The following PTPRN2 variants were observed in gnomAD, a reference collection of about 807,000 sequenced individuals.
PTPRN2 encodes the protein receptor-type tyrosine-protein phosphatase N2.
In PTPRN2, 74 loss-of-function variants were observed where a neutral mutation model predicts 118.8. The ratio of observed to expected loss-of-function variants is 0.62; its 90% confidence interval spans 0.52 to 0.76. The LOEUF (loss-of-function observed/expected upper bound fraction) is 0.76. Ranked by LOEUF, PTPRN2 falls within the 30% of genes least tolerant of loss-of-function variation. The pLI, the probability that PTPRN2 is intolerant of heterozygous loss-of-function variation, is 0.00. For missense variants in PTPRN2, 1,481 were observed against 1,394.4 expected, an observed-to-expected ratio of 1.06 and a Z score of -0.99; for synonymous variants, 641 against 608.0, an observed-to-expected ratio of 1.05 and a Z score of -0.80.
At chr7:158,185,481 T>C (rs1585773766) in intron 5 of PTPRN2, among the ~76,000 whole-genome samples, 1 of 152,250 alleles carries the variant, frequency 6.6e-6, no homozygotes, top group African/African-American at 2.4e-5. Context: ...GATCGACCTG[T>C]ATGTTCCTCT....
In PTPRN2 at chr7:158,561,879, G is replaced by GAAC. The variant is rs528189120; in HGVS notation, c.112+25676_112+25678dup. On this transcript the variant is annotated intron_variant, in intron 1 of 22. Coordinates refer to ENST00000389418, the MANE Select transcript of PTPRN2 (RefSeq NM_002847.5). Reference sequence around the variant, plus strand: ...CCCATCCCCACTGCCCGTGGCCCTGGAACACCACAATTTGGGTGAAGCATT... The same window carrying GAAC: ...CCCATCCCCACTGCCCGTGGCCCTGGAACAACACCACAATTTGGGTGAAGCATT... Among the ~76,000 whole-genome samples, 1,198 of 151,952 alleles carry GAAC rather than the reference G, an allele frequency of 7.9e-3. 20 individuals carry two copies. Among genetic ancestry groups the GAAC allele is most frequent in the African/African-American group, 0.027 (1,102 of 41,258 alleles).
At chr7:157,736,219 C>T (rs1449159704) in intron 12 of PTPRN2, among the ~76,000 whole-genome samples, 1 of 152,198 alleles carries the variant, frequency 6.6e-6, no homozygotes, top group African/African-American at 2.4e-5. Flanking sequence ...GCCAGAAGGC[C>T]TCTGTGTTCC....
In PTPRN2 at chr7:157,840,402, G is replaced by A. The variant is rs113901422; in HGVS notation, c.1788+58271C>T. Among the ~76,000 whole-genome samples, 86 of 123,420 alleles carry A rather than the reference G, an allele frequency of 7.0e-4. 1 individual carries two copies. Among genetic ancestry groups the A allele is most frequent in the African/African-American group, 2.8e-3 (83 of 30,084 alleles). 81.0% of individuals were successfully genotyped at this position (123,420 alleles called of 152,430 possible). A position where few individuals can be genotyped will look rare whatever the true frequency, so the allele number is the denominator to read the frequency against. On this transcript the variant is annotated intron_variant, in intron 12 of 22. Transcript: ENST00000389418. ...TGTGACCGCGTGTGACTGTGTGACC[G>A]TGTGTGACTGTGTGACTGTGTGTGA... is the stretch of plus-strand genomic sequence containing the variant.
intron 12 of PTPRN2, among the ~76,000 whole-genome samples, chr7:157,752,782 C>T (rs2038407115): frequency 6.6e-6 from 1 of 152,244 alleles, no homozygotes; most frequent in African/African-American, 2.4e-5. Context: ...AAACCACTGA[C>T]TCTGGAAATC....
chr7:158,410,055 C>T (rs1813911970), intron 2 of PTPRN2, among the ~76,000 whole-genome samples: 1 of 152,202 alleles, frequency 6.6e-6, no homozygotes, highest in Non-Finnish European at 1.5e-5. Context: ...CTGATCACTC[C>T]TTCGGTTTCC....
intron 9 of PTPRN2, among the ~76,000 whole-genome samples, chr7:158,112,687 T>C: frequency 6.6e-6 from 1 of 152,106 alleles, no homozygotes; most frequent in Admixed American, 6.5e-5. Context: ...GGCTAGGTGC[T>C]GAGGGGCGAC....
chr7:157,623,180 A>G (rs1046837622), intron 14 of PTPRN2, among the ~76,000 whole-genome samples: 6 of 152,246 alleles, frequency 3.9e-5, no homozygotes, highest in Non-Finnish European at 8.8e-5. Context: ...TTACCCTAAT[A>G]GGAAAAACAT....
intron 13 of PTPRN2, among the ~76,000 whole-genome samples, chr7:157,665,323 T>C (rs2366645): frequency 0.38 from 58,485 of 152,218 alleles, 12,307 homozygotes; most frequent in Non-Finnish European, 0.49. Context: ...TTTGTAAGGA[T>C]GAGTAAGACC....
intron 1 of PTPRN2, among the ~76,000 whole-genome samples, chr7:158,505,445 A>G (rs1296450890): frequency 1.3e-5 from 2 of 152,122 alleles, no homozygotes; most frequent in African/African-American, 4.8e-5. Context: ...GTGACATCTA[A>G]TCATGCACAA....
chr7:157,838,203 G>A (rs977957295), intron 12 of PTPRN2, among the ~76,000 whole-genome samples: 2 of 150,186 alleles, frequency 1.3e-5, no homozygotes, highest in African/African-American at 5.0e-5. Flanking sequence ...ACGGGAGAAA[G>A]CTCCTCTCCA....
intron 21 of PTPRN2, among the ~76,000 whole-genome samples, chr7:157,559,384 G>T (rs6943908): frequency 0.037 from 5,584 of 152,264 alleles, 229 homozygotes; most frequent in East Asian, 0.14. Context: ...CCCTCCACAT[G>T]GGCCCCTGGA....
chr7:157,981,568 C>G (rs1352278530), intron 11 of PTPRN2, among the ~76,000 whole-genome samples: 1 of 150,194 alleles, frequency 6.7e-6, no homozygotes, highest in East Asian at 1.9e-4. Context: ...GTTAATTTAA[C>G]AGGGAGTGAT....
intron 14 of PTPRN2, among the ~76,000 whole-genome samples, chr7:157,638,162 G>C (rs561983707): frequency 6.6e-6 from 1 of 152,372 alleles, no homozygotes; most frequent in African/African-American, 2.4e-5. Context: ...TTGCTTGTCT[G>C]AGACAAAGTT....
At chr7:158,562,574 ACC>A in intron 1 of PTPRN2, among the ~76,000 whole-genome samples, 1 of 152,246 alleles carries the variant, frequency 6.6e-6, no homozygotes, top group South Asian at 2.1e-4. Flanking sequence ...GCATTAAGAC[ACC>A]CATTCCACCT....
intron 12 of PTPRN2, among the ~76,000 whole-genome samples, chr7:157,697,631 CGTCT>C (rs1797861695): frequency 8.8e-6 from 1 of 113,482 alleles, no homozygotes; most frequent in Admixed American, 8.9e-5. Context: ...GAGCCCTCAC[CGTCT>C]ACCCATGCAT....
chr7:158,141,716 C>A (rs1819405092), intron 6 of PTPRN2, among the ~76,000 whole-genome samples: 1 of 152,170 alleles, frequency 6.6e-6, no homozygotes, highest in Non-Finnish European at 1.5e-5. Context: ...CAGCCATGAC[C>A]CTCTGATTTT....
chr7:158,453,570 C>T (rs1472628690), intron 2 of PTPRN2, among the ~76,000 whole-genome samples: 1 of 151,670 alleles, frequency 6.6e-6, no homozygotes, highest in African/African-American at 2.4e-5. Context: ...GTGGCAGCTG[C>T]CGCAGGACCT....
chr7:158,113,746 C>T (rs1336690795), intron 9 of PTPRN2, among the ~76,000 whole-genome samples: 1 of 151,892 alleles, frequency 6.6e-6, no homozygotes, highest in Non-Finnish European at 1.5e-5. Context: ...CTCGCACCTG[C>T]AACAAGAAAG....
chr7:158,317,722 C>T (rs1024727857), intron 2 of PTPRN2, among the ~76,000 whole-genome samples: 24 of 152,228 alleles, frequency 1.6e-4, no homozygotes, highest in South Asian at 4.2e-4. Context: ...TCGGGCGGGG[C>T]GGAAGGGGAA....
Sources: gnomAD v4.1 joint callset for allele counts (sites outside exome capture counted in the v4.1 genomes callset) on GRCh38, gnomAD v4.1.1 for gene constraint, MANE v1.5 for transcripts, NCBI Gene and HGNC (gene_info 2026-07-23, HGNC 2026-07-21) for gene names.